Variants in PCM1 observed in about 807,000 individuals in gnomAD.
PCM1 encodes pericentriolar material 1, also known as pericentriolar material 1 protein.
In PCM1, 157 loss-of-function variants were observed where a neutral mutation model predicts 241.9. The ratio of observed to expected loss-of-function variants is 0.65; its 90% CI spans 0.57 to 0.74. The LOEUF is 0.74. Among genes scored for constraint, PCM1 ranks in the 30% least tolerant of loss-of-function variants. PCM1 has a pLI of 0.00. For missense variants in PCM1, 3,478 were observed against 2,360.1 expected (o/e 1.47, Z -9.81); for synonymous variants, 1,085 against 784.9 (o/e 1.38, Z -6.39).
intron 26 of PCM1, among the ~76,000 whole-genome samples, chr8:17,986,972 C>G (rs548790633): frequency 2.4e-4 from 37 of 151,868 alleles, no homozygotes; most frequent in African/African-American, 8.7e-4. Flanking sequence ...CTTTCCTTTT[C>G]AGATACAGTA....
At position 18,014,746 on chromosome 8, in the gene PCM1, C is replaced by G; in HGVS notation, c.5747C>G (p.Pro1916Arg). 1 of 1,613,104 alleles carries G rather than the reference C, an allele frequency of 6.2e-7. No individual in the cohort carries two copies. Among genetic ancestry groups the G allele is most frequent in the Non-Finnish European group, 8.5e-7 (1 of 1,179,756 alleles). The change falls in exon 36 of 39, where the codon CCT (proline) becomes CGT (arginine). Residue 1916 changes from proline to arginine, a missense_variant. Pro to Arg is a moderately radical substitution (Grantham distance 103). Coordinates refer to ENST00000325083, the MANE Select transcript of PCM1 (RefSeq NM_006197.4). Reference protein sequence around the residue: ...LRLPEMEPLVPRVKEVKSAQE... With the variant: ...LRLPEMEPLVRRVKEVKSAQE... Reference sequence around the variant, plus strand: ...TTACCTGAAATGGAACCCTTAGTGCCTAGAGTCAAAGAAGTTAAATCTGCT... The same window carrying G: ...TTACCTGAAATGGAACCCTTAGTGCGTAGAGTCAAAGAAGTTAAATCTGCT...
chr8:17,994,047 G>T (rs1360006658), intron 29 of PCM1, among the ~76,000 whole-genome samples: 1 of 152,074 alleles, frequency 6.6e-6, no homozygotes, highest in Non-Finnish European at 1.5e-5. Context: ...AAACAATCCA[G>T]TTATACTCTT....
At position 17,955,457 on chromosome 8, in the gene PCM1, G is replaced by T. The variant is rs755737251; in HGVS notation, c.1289-13G>T. 8 of 1,548,772 alleles carry T rather than the reference G, an allele frequency of 5.2e-6. No homozygotes were observed. The highest frequency in any genetic ancestry group is 2.1e-5 in the Admixed American group (1 of 47,406). On this transcript the variant is annotated splice_polypyrimidine_tract_variant and intron_variant, in intron 9 of 38. Transcript: ENST00000325083. ...TGATTAAAAAAAATTTTTTGTTGTT[G>T]TGCCTTCTTCAGCCTCTCCACAAAG...
chr8:18,016,524 A>G (rs998908743), intron 36 of PCM1, among the ~76,000 whole-genome samples: 5 of 152,234 alleles, frequency 3.3e-5, no homozygotes, highest in Admixed American at 2.6e-4. Context: ...TAAATGCCTT[A>G]GAAACAATGG....
In PCM1 at chr8:17,947,355, A is replaced by T; in HGVS notation, c.953A>T (p.Asp318Val). Residue 318 changes from aspartate (D) to valine (V), a missense_variant, in exon 7 of 39, where the codon GAT becomes GTT. Physicochemically the swap from Asp to Val is radical, Grantham distance 152. Coordinates refer to ENST00000325083, the MANE Select transcript of PCM1 (RefSeq NM_006197.4). ...HKAEQAIAVM[D>V]DSVVAETAGS... ...GCAGAGCAAGCTATTGCAGTGATGG[A>T]TGATTCTGGTATGTCACAGTCTGAG... 2 of 1,591,220 alleles carry T rather than the reference A, an allele frequency of 1.3e-6. No homozygotes were observed. Among genetic ancestry groups the T allele is most frequent in the Non-Finnish European group, 1.7e-6 (2 of 1,169,780 alleles).
chr8:17,987,623 G>A (rs1325946100), intron 26 of PCM1, among the ~76,000 whole-genome samples: 1 of 151,844 alleles, frequency 6.6e-6, no homozygotes, highest in African/African-American at 2.4e-5. Flanking sequence ...AACTAAATCA[G>A]TTCTTTGATA....
intron 6 of PCM1, among the ~76,000 whole-genome samples, chr8:17,946,190 CT>C (rs2063709917): frequency 6.6e-6 from 1 of 152,054 alleles, no homozygotes; most frequent in Non-Finnish European, 1.5e-5. Flanking sequence ...TACTTTTAGA[CT>C]AGATGATAAC....
chr8:18,028,008 G>C lies in PCM1; in HGVS notation c.*346G>C, dbSNP rs2094348411. ...TGGAAATTATATTGAATTCTATACA[G>C]CAAGTCAATGTTTTATATAACTTTA... On this transcript the variant is annotated 3_prime_UTR_variant, in exon 39 of 39. Transcript: ENST00000325083. The C allele has an allele frequency of 4.1e-6, 1 of 244,484 alleles. No individual in the cohort carries two copies. Among genetic ancestry groups the C allele is most frequent in the African/African-American group, 2.2e-5 (1 of 45,524 alleles). 15.1% of individuals were successfully genotyped at this position (244,484 alleles called of 1,614,324 possible).
intron 6 of PCM1, among the ~76,000 whole-genome samples, chr8:17,946,378 A>C (rs890064156): frequency 3.3e-5 from 5 of 152,202 alleles, no homozygotes; most frequent in Admixed American, 3.3e-4. Flanking sequence ...TTTTTACATA[A>C]GATTATCAAA....
intron 6 of PCM1, among the ~76,000 whole-genome samples, chr8:17,941,831 C>T (rs956474525): frequency 6.6e-6 from 1 of 151,290 alleles, no homozygotes; most frequent in East Asian, 2.0e-4. Flanking sequence ...GGATTTCCCT[C>T]AAAGGTATAC....
At chr8:17,985,308 A>G (rs1034451819) in intron 24 of PCM1, 139 bp from the exon 25 acceptor site, 39 of 542,596 alleles carry the variant, frequency 7.2e-5, no homozygotes, top group Middle Eastern at 9.5e-4. Flanking sequence ...CTTCTTTTCT[A>G]CTTTAAAAGC....
intron 26 of PCM1, among the ~76,000 whole-genome samples, chr8:17,987,454 G>T (rs1188211156): frequency 6.6e-6 from 1 of 151,750 alleles, no homozygotes; most frequent in Non-Finnish European, 1.5e-5. Context: ...GAGCACATTG[G>T]TTTGCACCAT....
chr8:17,935,209 C>A (rs1437246025), intron 2 of PCM1, among the ~76,000 whole-genome samples: 4 of 152,218 alleles, frequency 2.6e-5, no homozygotes, highest in Non-Finnish European at 5.9e-5. Context: ...CATCCCAAGT[C>A]CATTGTCAGA....
At chr8:17,938,118 G>T (rs1376619072) in intron 4 of PCM1, among the ~76,000 whole-genome samples, 3 of 152,236 alleles carry the variant, frequency 2.0e-5, no homozygotes, top group African/African-American at 7.2e-5. Flanking sequence ...GAGTTAAAGT[G>T]TGATCCATGG....
intron 22 of PCM1, among the ~76,000 whole-genome samples, chr8:17,971,394 T>C (rs2076798296): frequency 1.3e-5 from 2 of 152,200 alleles, no homozygotes. Flanking sequence ...ATAAAGCACA[T>C]TGGCATATTA....
chr8:17,964,918 C>T (rs572495134), intron 18 of PCM1, 150 bp downstream of exon 18: 2 of 620,438 alleles, frequency 3.2e-6, no homozygotes, highest in South Asian at 4.0e-5. Flanking sequence ...AGTGCAGACC[C>T]CTCAAGTTAA....
intron 34 of PCM1, 180 bp from the exon 35 acceptor site, chr8:18,013,784 T>TTTAAC (rs1052414984): frequency 3.6e-6 from 2 of 550,288 alleles, no homozygotes; most frequent in East Asian, 3.3e-5. Context: ...AAGGAAACCC[T>TTTAAC]TTAACTTAGC....
At chr8:17,992,610 C>CTTTTTTTT (rs71545503) in intron 28 of PCM1, among the ~76,000 whole-genome samples, 4 of 128,432 alleles carry the variant, frequency 3.1e-5, no homozygotes, top group Admixed American at 8.0e-5. Context: ...ACTACTACTA[C>CTTTTTTTT]TTTTTTTTTT....
At chr8:17,986,464 T>C (rs886103941) in intron 26 of PCM1, among the ~76,000 whole-genome samples, 1 of 140,576 alleles carries the variant, frequency 7.1e-6, no homozygotes, top group Non-Finnish European at 1.5e-5. Flanking sequence ...ACAGGATAAA[T>C]CAGGTCTTTG....
Sources: gnomAD v4.1 joint callset for allele counts (sites outside exome capture counted in the v4.1 genomes callset) on GRCh38, gnomAD v4.1.1 for gene constraint, MANE v1.5 for transcripts, NCBI Gene and HGNC (gene_info 2026-07-23, HGNC 2026-07-21) for gene names.